Variants in CDK14 observed in about 807,000 individuals in gnomAD.
CDK14 encodes the protein cyclin dependent kinase 14.
A neutral mutation model predicts 60.7 loss-of-function variants in CDK14; 34 were observed. The observed-to-expected ratio is 0.56, with a 90% CI of 0.43 to 0.75. CDK14 has a LOEUF of 0.75. CDK14 is among the 30% of genes least tolerant of loss of function. The pLI, the probability that CDK14 is intolerant of heterozygous loss-of-function variation, is 0.00. For synonymous variants in CDK14, 197 were observed against 203.7 expected (o/e 0.97, Z 0.28); for missense variants, 482 against 564.1 (o/e 0.85, Z 1.47).
At chr7:91,148,214 C>CA (rs1356030098) in intron 14 of CDK14, among the ~76,000 whole-genome samples, 2 of 151,954 alleles carry the variant, frequency 1.3e-5, no homozygotes, top group South Asian at 2.1e-4. Flanking sequence ...CCCATCTCTA[C>CA]AAAAAAATTT....
chr7:91,095,539 A>G (rs571049235), intron 12 of CDK14, among the ~76,000 whole-genome samples: 30 of 152,222 alleles, frequency 2.0e-4, no homozygotes, highest in Non-Finnish European at 4.0e-4. Flanking sequence ...AATTCTCATT[A>G]TTTTATTGTA....
chr7:90,841,659 TACAC>T (rs57434660), intron 5 of CDK14, among the ~76,000 whole-genome samples: 3,878 of 139,342 alleles, frequency 0.028, 164 homozygotes, highest in African/African-American at 0.096. Context: ...TATATATATG[TACAC>T]ACACACACAC....
intron 14 of CDK14, among the ~76,000 whole-genome samples, chr7:91,205,160 A>G (rs1009589438): frequency 5.3e-5 from 8 of 152,202 alleles, no homozygotes; most frequent in African/African-American, 1.9e-4. Context: ...TATAATTTCC[A>G]TATGACCTAG....
chr7:91,011,410 T>C (rs963945512), intron 10 of CDK14, among the ~76,000 whole-genome samples: 1 of 152,206 alleles, frequency 6.6e-6, no homozygotes, highest in Non-Finnish European at 1.5e-5. Context: ...AATTTAATTA[T>C]AATGCATTTT....
intron 9 of CDK14, among the ~76,000 whole-genome samples, chr7:90,969,618 TA>T (rs1734555541): frequency 6.6e-6 from 1 of 152,188 alleles, no homozygotes; most frequent in African/African-American, 2.4e-5. Context: ...CAAGGCTTAT[TA>T]ATTTGCTTTT....
chr7:90,641,720 A>G (rs77014673), intron 2 of CDK14, among the ~76,000 whole-genome samples: 46 of 70,778 alleles, frequency 6.5e-4, no homozygotes, highest in Non-Finnish European at 1.1e-3. Flanking sequence ...GATCATCAAA[A>G]TGGATTTTGT....
chr7:90,870,406 C>A (rs538102148), intron 6 of CDK14, among the ~76,000 whole-genome samples: 61 of 152,244 alleles, frequency 4.0e-4, no homozygotes, highest in Admixed American at 2.7e-3. Context: ...GGCTTAACAC[C>A]TAGGTGATGA....
intron 5 of CDK14, among the ~76,000 whole-genome samples, chr7:90,840,106 C>T (rs757468695): frequency 1.1e-4 from 16 of 152,256 alleles, no homozygotes; most frequent in African/African-American, 3.9e-4. Context: ...GAGGACTGTC[C>T]TATTACCTTG....
intron 12 of CDK14, among the ~76,000 whole-genome samples, chr7:91,088,717 G>C (rs1252719990): frequency 6.6e-6 from 1 of 152,040 alleles, no homozygotes; most frequent in African/African-American, 2.4e-5. Flanking sequence ...TTCTCTGCTA[G>C]TCCTCAGCTG....
rs869200506 is a variant in CDK14, at chr7:90,971,152, GGT to G, written c.948-12995_948-12994del. Among the ~76,000 whole-genome samples, 60 of 47,472 alleles carry G rather than the reference GGT, an allele frequency of 1.3e-3. No homozygotes were observed. In the East Asian group the frequency reaches 0.025, roughly 20 times the overall value. 31.1% of individuals were successfully genotyped at this position (47,472 alleles called of 152,430 possible). A position where few individuals can be genotyped will look rare whatever the true frequency, so the allele number is the denominator to read the frequency against. ...TTCCCACCTATGAGTGAGAACATGT[GGT>G]TTTTTTTTTTTTGTCTCGTTTTAAA... is the stretch of plus-strand genomic sequence containing the variant. On this transcript the variant is annotated intron_variant, in intron 9 of 14. Transcript: ENST00000380050.
chr7:91,020,585 C>T (rs1796408084), intron 10 of CDK14, among the ~76,000 whole-genome samples: 1 of 152,156 alleles, frequency 6.6e-6, no homozygotes, highest in East Asian at 1.9e-4. Context: ...CCTTTCCCTG[C>T]CCTAGAGCTT....
At chr7:91,186,962 A>C (rs887454800) in intron 14 of CDK14, among the ~76,000 whole-genome samples, 8 of 152,234 alleles carry the variant, frequency 5.3e-5, no homozygotes, top group Non-Finnish European at 1.0e-4. Flanking sequence ...CACCAAAATC[A>C]GGTTAAAGGA....
At chr7:90,693,519 G>A (rs1341178828) in intron 2 of CDK14, among the ~76,000 whole-genome samples, 3 of 152,174 alleles carry the variant, frequency 2.0e-5, no homozygotes, top group South Asian at 2.1e-4. Flanking sequence ...ACACATGCAC[G>A]GCTGTGTTGT....
Position 90,924,584 on chromosome 7 carries a change from T to G in CDK14, c.826+6860T>G, listed in dbSNP as rs1446891725. 2.0e-5 allele frequency among the ~76,000 whole-genome samples: 3 copies of G among 152,208 alleles called. No homozygotes were observed. The East Asian group carries it at 5.8e-4, about 29-fold the overall frequency. ...GCTTGATTTATACTAAAATCTTAGA[T>G]GACAGTAAATGAATTATTGCAGTCT... On this transcript the variant is annotated intron_variant, in intron 8 of 14. Coordinates refer to ENST00000380050, the MANE Select transcript of CDK14 (RefSeq NM_001287135.2).
At chr7:90,922,432 T>TC (rs1372364690) in intron 8 of CDK14, among the ~76,000 whole-genome samples, 6 of 152,082 alleles carry the variant, frequency 3.9e-5, no homozygotes, top group Non-Finnish European at 5.9e-5. Flanking sequence ...GTTTTTTTTT[T>TC]CTCTCTAATT....
chr7:91,112,592 G>T lies in CDK14; in HGVS notation c.1205G>T (p.Cys402Phe). Residue 402 changes from cysteine to phenylalanine, a missense_variant, in exon 13 of 15, where the codon TGT (cysteine) becomes TTT (phenylalanine). Cys to Phe is a radical substitution (Grantham distance 205). Coordinates refer to ENST00000380050, the MANE Select transcript of CDK14 (RefSeq NM_001287135.2). ...GACCTGGCCTCCAAGCTCCTACAAT[G>T]TTCCCCAAAGAACAGACTGTCGGCA... ...AEDLASKLLQ[C>F]SPKNRLSAQA... 6.2e-7 allele frequency: 1 copy of T among 1,613,730 alleles called. No homozygotes were observed. Among genetic ancestry groups the T allele is most frequent in the Non-Finnish European group, 8.5e-7 (1 of 1,179,822 alleles).
intron 2 of CDK14, among the ~76,000 whole-genome samples, chr7:90,609,944 A>G (rs1380161503): frequency 6.6e-6 from 1 of 152,166 alleles, no homozygotes; most frequent in African/African-American, 2.4e-5. Context: ...CTCGTCTCAT[A>G]CCTGCTTTAC....
intron 11 of CDK14, among the ~76,000 whole-genome samples, chr7:91,064,543 A>T (rs1207397849): frequency 6.6e-6 from 1 of 152,244 alleles, no homozygotes; most frequent in African/African-American, 2.4e-5. Flanking sequence ...TCTGTTAAAC[A>T]TCAAATAGGA....
intron 3 of CDK14, among the ~76,000 whole-genome samples, chr7:90,737,131 C>T (rs983652236): frequency 3.9e-5 from 6 of 152,190 alleles, no homozygotes; most frequent in African/African-American, 1.4e-4. Context: ...AACCTTCCCT[C>T]CCCTATTCCT....
Sources: allele counts gnomAD v4.1 joint callset (sites outside exome capture counted in the v4.1 genomes callset), GRCh38; gene constraint gnomAD v4.1.1; transcripts MANE v1.5; gene names NCBI Gene and HGNC (gene_info 2026-07-23, HGNC 2026-07-21).